DNAJB6: variants seen among roughly 807,000 people sequenced by gnomAD.
DNAJB6 encodes the protein DnaJ heat shock protein family (Hsp40) member B6.
A neutral mutation model predicts 42.7 loss-of-function variants in DNAJB6; 16 were observed. That is an observed-to-expected ratio of 0.37 (90% CI 0.25 to 0.57). The LOEUF is 0.57. DNAJB6 is among the 20% of genes least tolerant of loss of function. DNAJB6 has a pLI of 0.74. For missense variants in DNAJB6, 347 were observed against 416.8 expected (o/e 0.83, Z 1.46); for synonymous variants, 170 against 163.5 (o/e 1.04, Z -0.30).
At chr7:157,381,826 T>C (rs1309236333) in intron 5 of DNAJB6, 3 of 155,732 alleles carry the variant, frequency 1.9e-5, no homozygotes, top group African/African-American at 7.2e-5. Flanking sequence ...TCTGAATTGC[T>C]TTGGAGAAGG....
At chr7:157,367,569 T>C (rs1158494479) in intron 5 of DNAJB6, 86 bp downstream of exon 5, 1 of 907,620 alleles carries the variant, frequency 1.1e-6, no homozygotes, top group Non-Finnish European at 1.8e-6. Context: ...TGAATTAACA[T>C]TGTATTTTAG....
intron 3 of DNAJB6, among the ~76,000 whole-genome samples, chr7:157,364,855 T>C (rs978138658): frequency 6.6e-6 from 1 of 152,236 alleles, no homozygotes; most frequent in Admixed American, 6.5e-5. Flanking sequence ...CTTCAAAACA[T>C]GGTCATTGTT....
chr7:157,403,245 G>T (rs1400217396), intron 8 of DNAJB6, among the ~76,000 whole-genome samples: 2 of 152,186 alleles, frequency 1.3e-5, no homozygotes. Flanking sequence ...GTGTGCCTTA[G>T]TCTGGCTCAG....
intron 5 of DNAJB6, among the ~76,000 whole-genome samples, chr7:157,376,858 C>T (rs963751643): frequency 3.3e-5 from 5 of 152,192 alleles, no homozygotes; most frequent in Middle Eastern, 3.4e-3. Context: ...CCAGCCTGGG[C>T]GACAGAGCAA....
chr7:157,387,405 C>G (rs748720945), intron 8 of DNAJB6, among the ~76,000 whole-genome samples: 3 of 152,286 alleles, frequency 2.0e-5, no homozygotes, highest in Admixed American at 6.5e-5. Flanking sequence ...ATCCCACTCA[C>G]AACTAGCATT....
At chr7:157,387,990 C>T (rs1801155931) in intron 8 of DNAJB6, among the ~76,000 whole-genome samples, 1 of 152,006 alleles carries the variant, frequency 6.6e-6, no homozygotes, top group Non-Finnish European at 1.5e-5. Context: ...GGATTACAGG[C>T]ACCCACCACC....
At position 157,353,586 on chromosome 7, in the gene DNAJB6, G is replaced by GGTGTGTGTGTGTGTGTGT. The variant is rs370854040; in HGVS notation, c.-26-4942_-26-4925dup. ...CTGTCCCGTTGTTTTTCTTGACCGG[G>GGTGTGTGTGTGTGTGTGT]GTGTGTGTGTGTGTGTGTGTGTGTG... On this transcript the variant is annotated intron_variant, in intron 1 of 9. Transcript: ENST00000262177. 1.2e-3 allele frequency among the ~76,000 whole-genome samples: 168 copies of GGTGTGTGTGTGTGTGTGT among 140,080 alleles called. 1 individual carries two copies. The highest frequency in any genetic ancestry group is 4.0e-3 in the African/African-American group (145 of 36,508). 91.9% of individuals were successfully genotyped at this position (140,080 alleles called of 152,430 possible). A position where few individuals can be genotyped will look rare whatever the true frequency, so the allele number is the denominator to read the frequency against.
chr7:157,369,821 T>G lies in DNAJB6; in HGVS notation c.346+2338T>G, dbSNP rs1310319889. On this transcript the variant is annotated intron_variant, in intron 5 of 9. Coordinates refer to ENST00000262177, the MANE Select transcript of DNAJB6 (RefSeq NM_058246.4). ...ACGAGCCCCTTCTTAACATCATTAT[T>G]AAACAGGCCTTTCATAACGTTATTA... Among the ~76,000 whole-genome samples, 3 of 150,744 alleles carry G rather than the reference T, an allele frequency of 2.0e-5. 1 individual carries two copies. The highest frequency in any genetic ancestry group is 7.4e-5 in the African/African-American group (3 of 40,678).
intron 6 of DNAJB6, 82 bp from the exon 7 acceptor site, chr7:157,384,785 G>T: frequency 7.4e-7 from 1 of 1,342,862 alleles, no homozygotes; most frequent in South Asian, 1.3e-5. Context: ...TAAATATTCT[G>T]CTACTGAACT....
intron 9 of DNAJB6, chr7:157,414,795 G>A (rs1033994348): frequency 6.6e-6 from 1 of 152,338 alleles, no homozygotes; most frequent in Non-Finnish European, 1.5e-5. Flanking sequence ...TCAGTGGTGA[G>A]AGCCACAGCA....
At chr7:157,384,500 G>A (rs1367702826) in intron 6 of DNAJB6, among the ~76,000 whole-genome samples, 1 of 152,146 alleles carries the variant, frequency 6.6e-6, no homozygotes, top group Non-Finnish European at 1.5e-5. Context: ...TACTGGTCTC[G>A]GTTCCAGAAT....
intron 8 of DNAJB6, among the ~76,000 whole-genome samples, chr7:157,388,841 C>T (rs1358931282): frequency 1.3e-5 from 2 of 152,056 alleles, no homozygotes; most frequent in African/African-American, 2.4e-5. Flanking sequence ...CTCCCCACCC[C>T]GTTGGTTTGA....
chr7:157,390,445 G>C (rs1801285570), intron 8 of DNAJB6, among the ~76,000 whole-genome samples: 1 of 152,158 alleles, frequency 6.6e-6, no homozygotes, highest in African/African-American at 2.4e-5. Context: ...TCCCCCGCCT[G>C]GTCCTTCCTC....
At chr7:157,368,105 C>CG (rs1799931270) in intron 5 of DNAJB6, among the ~76,000 whole-genome samples, 1 of 152,138 alleles carries the variant, frequency 6.6e-6, no homozygotes, top group Non-Finnish European at 1.5e-5. Context: ...CAGAGCAAGG[C>CG]CCTGTCTCAA....
intron 8 of DNAJB6, among the ~76,000 whole-genome samples, chr7:157,388,679 TATAGTGA>T (rs140338931): frequency 0.028 from 4,314 of 152,128 alleles, 236 homozygotes; most frequent in African/African-American, 0.099. Context: ...AGATGCATTA[TATAGTGA>T]ATTCTGAGAT....
chr7:157,339,223 T>G (rs957720551), intron 1 of DNAJB6, among the ~76,000 whole-genome samples: 4 of 151,274 alleles, frequency 2.6e-5, no homozygotes, highest in African/African-American at 9.7e-5. Context: ...CTCATCAGTC[T>G]TCAACCTAGA....
chr7:157,393,269 G>A (rs1415201017), intron 8 of DNAJB6, among the ~76,000 whole-genome samples: 6 of 152,058 alleles, frequency 3.9e-5, no homozygotes, highest in East Asian at 1.9e-4. Context: ...GAGCCACTGC[G>A]CCTCGCCTAT....
Position 157,367,353 on chromosome 7 carries a change from G to C in DNAJB6, c.236-20G>C. 1 of 1,504,710 alleles carries C rather than the reference G, an allele frequency of 6.6e-7. No homozygotes were observed. 93.2% of individuals were successfully genotyped at this position (1,504,710 alleles called of 1,614,324 possible). On this transcript the variant is annotated intron_variant, in intron 4 of 9. Transcript: ENST00000262177. ...AAGCACCAAAATTCATAAACTAAAA[G>C]CTGTGTTGTATTTGTGCAGGTGGAA...
At chr7:157,409,062 A>G (rs1795874641) in intron 8 of DNAJB6, among the ~76,000 whole-genome samples, 1 of 152,244 alleles carries the variant, frequency 6.6e-6, no homozygotes, top group Non-Finnish European at 1.5e-5. Context: ...AACTTTGAGA[A>G]TCACAGTGGA....
Sources: gnomAD v4.1 joint callset for allele counts (sites outside exome capture counted in the v4.1 genomes callset) on GRCh38, gnomAD v4.1.1 for gene constraint, MANE v1.5 for transcripts, NCBI Gene and HGNC (gene_info 2026-07-23, HGNC 2026-07-21) for gene names.